Variants in CCDC171 observed in about 807,000 individuals in gnomAD.
CCDC171 encodes the protein coiled-coil domain-containing protein 171.
Under a neutral mutation model 168.2 loss-of-function variants are expected in CCDC171, and 177 were observed. The ratio of observed to expected loss-of-function variants is 1.05; its 90% confidence interval spans 0.93 to 1.19. The LOEUF (loss-of-function observed/expected upper bound fraction) is 1.19, where lower values mean the gene tolerates loss of function less well. Ranked by LOEUF, CCDC171 falls within the 50% of genes most tolerant of loss-of-function variation. The pLI, the probability that CCDC171 is intolerant of heterozygous loss-of-function variation, is 0.00. For missense variants in CCDC171, 1,991 were observed against 1,539.0 expected, an observed-to-expected ratio of 1.29 and a Z score of -4.91; for synonymous variants, 687 against 540.8, an observed-to-expected ratio of 1.27 and a Z score of -3.75.
chr9:15,780,647 G>C (rs1239321988), intron 20 of CCDC171, among the ~76,000 whole-genome samples: 1 of 152,166 alleles, frequency 6.6e-6, no homozygotes, highest in Non-Finnish European at 1.5e-5. Flanking sequence ...ATATGTGCCT[G>C]TGCATGCCTT....
the CCDC171 span, among the ~76,000 whole-genome samples, chr9:16,085,915 G>A: frequency 2.0e-5 from 3 of 152,074 alleles, no homozygotes; most frequent in African/African-American, 7.2e-5. Flanking sequence ...AGGAATATTG[G>A]CCTGAAATTT....
intron 11 of CCDC171, among the ~76,000 whole-genome samples, chr9:15,713,452 T>C (rs1360097629): frequency 6.6e-6 from 1 of 152,184 alleles, no homozygotes; most frequent in Non-Finnish European, 1.5e-5. Flanking sequence ...AACTTATTTG[T>C]GCCTTCGGGA....
Position 15,608,643 on chromosome 9 carries a change from T to C in CCDC171, c.675+14471T>C, listed in dbSNP as rs960464769. On this transcript the variant is annotated intron_variant, in intron 6 of 25. Coordinates refer to ENST00000380701, the MANE Select transcript of CCDC171 (RefSeq NM_173550.4). Reference sequence around the variant, plus strand: ...CTTTTTTCTTTTGGATTTTTGGGTATATTTTTATTGATTAATAGGAACTTT... The same window carrying C: ...CTTTTTTCTTTTGGATTTTTGGGTACATTTTTATTGATTAATAGGAACTTT... Among the ~76,000 whole-genome samples, 35 of 151,998 alleles carry C rather than the reference T, an allele frequency of 2.3e-4. 1 individual carries two copies. Among genetic ancestry groups the C allele is most frequent in the Admixed American group, 1.4e-3 (21 of 15,232 alleles).
intron 21 of CCDC171, among the ~76,000 whole-genome samples, chr9:15,827,330 C>A (rs2060054748): frequency 6.6e-6 from 1 of 152,022 alleles, no homozygotes. Flanking sequence ...TAATTTCTAT[C>A]TTCTACAGCT....
intron 17 of CCDC171, 58 bp downstream of exon 17, chr9:15,744,835 C>T: frequency 1.4e-6 from 2 of 1,476,694 alleles, no homozygotes; most frequent in Non-Finnish European, 1.8e-6. Context: ...TACAGTGTGA[C>T]TATACCTGGC....
chr9:15,827,592 C>T (rs565092723), intron 21 of CCDC171, among the ~76,000 whole-genome samples: 1 of 152,266 alleles, frequency 6.6e-6, no homozygotes, highest in East Asian at 1.9e-4. Flanking sequence ...GAAAGTGTTT[C>T]ATATACACCT....
At chr9:15,981,530 G>A (rs1018648038) in intron 3 of CCDC171, among the ~76,000 whole-genome samples, 1 of 152,172 alleles carries the variant, frequency 6.6e-6, no homozygotes. Context: ...AATATAAGCA[G>A]TGCTGATTTA....
intron 10 of CCDC171, among the ~76,000 whole-genome samples, chr9:15,685,977 T>G (rs2050367405): frequency 6.6e-6 from 1 of 152,196 alleles, no homozygotes; most frequent in Non-Finnish European, 1.5e-5. Flanking sequence ...TTTTGCTCTT[T>G]GAAAAATTTT....
At chr9:15,600,363 C>T (rs1034734607) in intron 6 of CCDC171, among the ~76,000 whole-genome samples, 5 of 152,128 alleles carry the variant, frequency 3.3e-5, no homozygotes, top group African/African-American at 7.2e-5. Context: ...CAGTCAGGAC[C>T]CTTAGCTGAA....
chr9:15,797,498 G>C (rs188153406), intron 21 of CCDC171, among the ~76,000 whole-genome samples: 1 of 152,298 alleles, frequency 6.6e-6, no homozygotes, highest in African/African-American at 2.4e-5. Flanking sequence ...ATACAGGCAT[G>C]AGCCACTGTG....
intron 24 of CCDC171, among the ~76,000 whole-genome samples, chr9:15,900,007 G>T (rs1375361943): frequency 1.3e-5 from 2 of 151,938 alleles, no homozygotes; most frequent in Non-Finnish European, 2.9e-5. Flanking sequence ...TTAAATCTAT[G>T]ATCAATTTTG....
At chr9:15,948,681 C>A (rs912624053) in intron 25 of CCDC171, among the ~76,000 whole-genome samples, 3 of 151,222 alleles carry the variant, frequency 2.0e-5, no homozygotes, top group African/African-American at 7.3e-5. Flanking sequence ...TTGTTTTTTT[C>A]TTTTAAATTT....
At chr9:15,708,073 C>G (rs906977602) in intron 11 of CCDC171, among the ~76,000 whole-genome samples, 2 of 152,180 alleles carry the variant, frequency 1.3e-5, no homozygotes, top group African/African-American at 4.8e-5. Flanking sequence ...GTCTTGAACT[C>G]CTGACTTCAG....
rs1349296574 is a variant in CCDC171 at position 15,588,357 on chromosome 9, G to A, written c.353-3009G>A. On this transcript the variant is annotated intron_variant, in intron 4 of 25. Transcript: ENST00000380701. ...TACGTCTTAGCAGCATTACCACCAT[G>A]CCCAAGAGAAAGCCTGAAGGGGATG... 1.6e-5 allele frequency: 4 copies of A among 244,438 alleles called. No individual in the cohort carries two copies. The East Asian group carries it at 4.5e-4, about 28-fold the overall frequency. The allele number at this position is 244,438 out of a possible 1,614,324, so 15.1% of individuals were successfully genotyped here. A position where few individuals can be genotyped will look rare whatever the true frequency, so the allele number is the denominator to read the frequency against.
chr9:15,820,988 A>G (rs529749207), intron 21 of CCDC171, among the ~76,000 whole-genome samples: 1,458 of 117,248 alleles, frequency 0.012, 409 homozygotes, highest in African/African-American at 0.044. Context: ...CTTACCCACC[A>G]TGATCAAGTG....
At chr9:15,561,816 A>G (rs767357490) in intron 1 of CCDC171, among the ~76,000 whole-genome samples, 4 of 152,062 alleles carry the variant, frequency 2.6e-5, no homozygotes, top group South Asian at 4.2e-4. Context: ...AGCGAGGAAG[A>G]TGAAGAAAAT....
At chr9:15,823,796 T>G (rs559717784) in intron 21 of CCDC171, among the ~76,000 whole-genome samples, 106 of 152,220 alleles carry the variant, frequency 7.0e-4, no homozygotes, top group African/African-American at 2.4e-3. Flanking sequence ...AATAAAATGC[T>G]TTACACAGAT....
At chr9:16,073,104 C>T in the CCDC171 span, among the ~76,000 whole-genome samples, 90 of 152,250 alleles carry the variant, frequency 5.9e-4, no homozygotes, top group African/African-American at 2.1e-3. Context: ...CCTAAGGGCC[C>T]CTGGAAGTAT....
rs115025648 is a variant in CCDC171 at position 16,014,457 on chromosome 9, G to A, written n.369-6132G>A. Among the ~76,000 whole-genome samples, 383 of 152,208 alleles carry A rather than the reference G, an allele frequency of 2.5e-3. 1 individual carries two copies. The highest frequency in any genetic ancestry group is 8.6e-3 in the African/African-American group (359 of 41,542). On this transcript the variant is annotated intron_variant and non_coding_transcript_variant, in intron 3 of 9. Transcript: ENST00000486641. ...AAATTCCTGTTAATGTTGATATTTTGACCTCCACCCATGAATTACTAATGT... is the reference window on the plus strand; with the variant it reads ...AAATTCCTGTTAATGTTGATATTTTAACCTCCACCCATGAATTACTAATGT...
Sources: allele counts gnomAD v4.1 joint callset (sites outside exome capture counted in the v4.1 genomes callset), GRCh38; gene constraint gnomAD v4.1.1; transcripts MANE v1.5; gene names NCBI Gene and HGNC (gene_info 2026-07-23, HGNC 2026-07-21).